ITGB2: variants seen among roughly 807,000 people sequenced by gnomAD.
ITGB2 encodes integrin subunit beta 2, also known as integrin beta-2.
A neutral mutation model predicts 86.8 loss-of-function variants in ITGB2; 56 were observed. The observed-to-expected ratio is 0.65, with a 90% confidence interval of 0.52 to 0.81. The LOEUF (loss-of-function observed/expected upper bound fraction) is 0.81. ITGB2 is among the 30% of genes least tolerant of loss of function. ITGB2 has a pLI of 0.00. For synonymous variants in ITGB2, 457 were observed against 450.4 expected (o/e 1.01, Z -0.19); for missense variants, 948 against 1,061.2 (o/e 0.89, Z 1.48).
chr21:44,900,674 T>C lies in ITGB2; in HGVS notation c.742-199A>G, dbSNP rs1375425914. ...GAGACAACGGCCCTCAAACACCCCG[T>C]GCACATGTGAGGCGCAGGGAGTGGA... On this transcript the variant is annotated intron_variant, in intron 6 of 15. Transcript: ENST00000652462. 3.9e-5 allele frequency among the ~76,000 whole-genome samples: 6 copies of C among 151,970 alleles called. No homozygotes were observed. The East Asian group carries it at 1.2e-3, about 29-fold the overall frequency.
intron 4 of ITGB2, among the ~76,000 whole-genome samples, chr21:44,905,191 G>A (rs187677060): frequency 3.4e-4 from 52 of 152,246 alleles, no homozygotes; most frequent in Admixed American, 2.4e-3. Flanking sequence ...AGCAGGCTGC[G>A]GGGGTAGGGC....
At chr21:44,919,144 A>G (rs3859733) in intron 1 of ITGB2, among the ~76,000 whole-genome samples, 79,439 of 151,000 alleles carry the variant, frequency 0.53, 22,305 homozygotes, top group African/African-American at 0.74. Flanking sequence ...ACCGAGGGCC[A>G]CAGCCCCCCC....
chr21:44,900,134 T>C (rs2083929391), intron 7 of ITGB2, among the ~76,000 whole-genome samples, 186 bp downstream of exon 7: 3 of 152,148 alleles, frequency 2.0e-5, no homozygotes, highest in Non-Finnish European at 4.4e-5. Context: ...CCACCAACCC[T>C]ACCCTCCCCT....
chr21:44,886,962 C>G, intron 14 of ITGB2, 60 bp from the exon 15 acceptor site: 2 of 1,598,548 alleles, frequency 1.3e-6, no homozygotes, highest in Non-Finnish European at 1.7e-6. Context: ...AGCCGTGTGC[C>G]CACAGGTCCG....
At chr21:44,910,128 C>T (rs1335368537) in intron 3 of ITGB2, among the ~76,000 whole-genome samples, 156 bp downstream of exon 3, 1 of 152,204 alleles carries the variant, frequency 6.6e-6, no homozygotes, top group Admixed American at 6.5e-5. Context: ...ATCAGAACCT[C>T]AGGGGCCCCT....
chr21:44,899,560 C>CCT (rs10676204), intron 7 of ITGB2, among the ~76,000 whole-genome samples: 87,915 of 151,850 alleles, frequency 0.58, 26,364 homozygotes, highest in East Asian at 0.8. Flanking sequence ...CCGTCCCTCC[C>CCT]GTCTGTGGCT....
At position 44,906,901 on chromosome 21, in the gene ITGB2, G is replaced by C. The variant is rs780089604; in HGVS notation, c.328+14C>G. 6.2e-7 allele frequency: 1 copy of C among 1,614,060 alleles called. No homozygotes were observed. Among genetic ancestry groups the C allele is most frequent in the Non-Finnish European group, 8.5e-7 (1 of 1,179,936 alleles). On this transcript the variant is annotated intron_variant, in intron 4 of 15. Coordinates refer to ENST00000652462, the MANE Select transcript of ITGB2 (RefSeq NM_000211.5). ...ACAGACGGTGCCTGGCACCACCACC[G>C]AGGCCAAGCCTACCTGGTCGCAGGT...
intron 1 of ITGB2, among the ~76,000 whole-genome samples, chr21:44,916,589 C>T (rs138286054): frequency 4.7e-4 from 72 of 152,154 alleles, no homozygotes; most frequent in African/African-American, 1.6e-3. Context: ...AAGGGGAGGC[C>T]GGGCATGGTG....
intron 1 of ITGB2, among the ~76,000 whole-genome samples, chr21:44,920,212 C>T (rs549487937): frequency 6.6e-6 from 1 of 152,220 alleles, no homozygotes; most frequent in African/African-American, 2.4e-5. Context: ...CCCCACATCA[C>T]ATGCGCACAC....
At chr21:44,901,861 A>T in intron 5 of ITGB2, 128 bp from the exon 6 acceptor site, 1 of 1,034,098 alleles carries the variant, frequency 9.7e-7, no homozygotes, top group East Asian at 2.6e-5. Flanking sequence ...GCAAGATGGC[A>T]CATGTGGAGT....
chr21:44,915,275 C>G (rs1005934511), intron 1 of ITGB2, among the ~76,000 whole-genome samples: 2 of 152,198 alleles, frequency 1.3e-5, no homozygotes, highest in Non-Finnish European at 2.9e-5. Flanking sequence ...CCGCCCACCT[C>G]GGCCTCCCAA....
At chr21:44,893,204 T>C in intron 10 of ITGB2, 200 bp downstream of exon 10, 1 of 595,394 alleles carries the variant, frequency 1.7e-6, no homozygotes, top group Admixed American at 2.9e-5. Context: ...GTCCTTCCAG[T>C]GGATGCTGCC....
At chr21:44,919,094 G>A (rs372080869) in intron 1 of ITGB2, among the ~76,000 whole-genome samples, 14 of 121,760 alleles carry the variant, frequency 1.1e-4, no homozygotes, top group African/African-American at 1.8e-4. Context: ...GTGACGCTGC[G>A]GAGCTGACAA....
upstream of ITGB2, among the ~76,000 whole-genome samples, chr21:44,924,062 CAAAG>C (rs2084342131): frequency 6.6e-6 from 1 of 152,102 alleles, no homozygotes; most frequent in Admixed American, 6.5e-5. Context: ...ATATATAAAA[CAAAG>C]ACTGACAAAT....
chr21:44,925,915 A>G (rs1326194525), intron 1 of ITGB2, among the ~76,000 whole-genome samples: 1 of 152,138 alleles, frequency 6.6e-6, no homozygotes, highest in Admixed American at 6.5e-5. Flanking sequence ...CGTCTCTACT[A>G]AAAATACAAC....
In ITGB2 at chr21:44,886,849, T is replaced by C. The variant is rs913645487; in HGVS notation, c.2134A>G (p.Ile712Val). ...AGCAGGAGAATGCCGATCAGCACGA[T>C]GCCTGCCACGGTGCCCCCGACGATG... ...AAIVGGTVAG[I>V]VLIGILLLVI... Residue 712 changes from isoleucine to valine, a missense_variant, in exon 15 of 16, where the codon ATC becomes GTC. Ile to Val is a conservative substitution (Grantham distance 29). Transcript: ENST00000652462. 3 of 1,613,640 alleles carry C rather than the reference T, an allele frequency of 1.9e-6. No homozygotes were observed. Among genetic ancestry groups the C allele is most frequent in the Non-Finnish European group, 2.5e-6 (3 of 1,179,996 alleles).
At chr21:44,896,185 G>A (rs557569876) in intron 8 of ITGB2, among the ~76,000 whole-genome samples, 2 of 152,348 alleles carry the variant, frequency 1.3e-5, no homozygotes, top group South Asian at 2.1e-4. Flanking sequence ...CAATATCACT[G>A]GGTTGGGAGG....
At chr21:44,892,759 C>CA (rs1439412124) in intron 10 of ITGB2, among the ~76,000 whole-genome samples, 23 of 146,472 alleles carry the variant, frequency 1.6e-4, no homozygotes, top group East Asian at 1.2e-3. Context: ...AAACAAAAAA[C>CA]AAAAAGAAAC....
intron 4 of ITGB2, among the ~76,000 whole-genome samples, chr21:44,905,142 C>T (rs991752802): frequency 6.6e-6 from 1 of 152,190 alleles, no homozygotes; most frequent in Admixed American, 6.5e-5. Context: ...CAAGGGGCCC[C>T]GTCCCTTCCC....
Sources: gnomAD v4.1 joint callset for allele counts (sites outside exome capture counted in the v4.1 genomes callset) on GRCh38, gnomAD v4.1.1 for gene constraint, MANE v1.5 for transcripts, NCBI Gene and HGNC (gene_info 2026-07-23, HGNC 2026-07-21) for gene names.